Variants in UTRN observed in about 807,000 individuals in gnomAD.
The protein encoded by UTRN is dystrophin-related protein 1.
In UTRN, 283 loss-of-function variants were observed where a neutral mutation model predicts 463.9. The ratio of observed to expected loss-of-function variants is 0.61; its 90% CI spans 0.55 to 0.67. The LOEUF is 0.67. Ranked by LOEUF, UTRN falls within the 30% of genes least tolerant of loss-of-function variation. The pLI is 0.00. For synonymous variants in UTRN, 1,442 were observed against 1,431.5 expected, an observed-to-expected ratio of 1.01 and a Z score of -0.17; for missense variants, 3,922 against 4,084.3, an observed-to-expected ratio of 0.96 and a Z score of 1.08.
chr6:144,508,753 A>T (rs886906795), intron 34 of UTRN, among the ~76,000 whole-genome samples: 1 of 152,038 alleles, frequency 6.6e-6, no homozygotes, highest in Admixed American at 6.6e-5. Context: ...TCTTTCCAGT[A>T]TTTATTTTGG....
At chr6:144,421,747 T>A (rs1159837843) in intron 3 of UTRN, 131 bp from the exon 4 acceptor site, 1 of 416,074 alleles carries the variant, frequency 2.4e-6, no homozygotes, top group Admixed American at 4.6e-5. Flanking sequence ...AAGACAAATT[T>A]GGATAGTCTG....
At chr6:144,522,253 T>C in intron 40 of UTRN, 82 bp downstream of exon 40, 5 of 1,162,722 alleles carry the variant, frequency 4.3e-6, no homozygotes, top group Non-Finnish European at 5.8e-6. Context: ...CCTACTTAGA[T>C]GGTCTATATC....
At chr6:144,643,477 G>A (rs1175386337) in intron 51 of UTRN, among the ~76,000 whole-genome samples, 1 of 152,096 alleles carries the variant, frequency 6.6e-6, no homozygotes, top group African/African-American at 2.4e-5. Flanking sequence ...TATTTATTTT[G>A]TAAATAGTTT....
At chr6:144,695,500 C>T (rs1462279077) in intron 52 of UTRN, among the ~76,000 whole-genome samples, 2 of 152,112 alleles carry the variant, frequency 1.3e-5, no homozygotes, top group African/African-American at 2.4e-5. Flanking sequence ...CCCGCCATTA[C>T]GCCCAGCTAA....
Position 144,732,259 on chromosome 6 carries a change from CACACAT to C in UTRN, c.7939+1775_7939+1780del, listed in dbSNP as rs1486771933. ...ATATACATATATATATATATATATA[CACACAT>C]ATATATATATATACACACATATATA... On this transcript the variant is annotated intron_variant, in intron 54 of 74. Transcript: ENST00000367545. Among the ~76,000 whole-genome samples the C allele has an allele frequency of 8.6e-4, 81 of 94,702 alleles. 1 individual carries two copies. The highest frequency in any genetic ancestry group is 5.7e-3 in the Admixed American group (49 of 8,602). The allele number at this position is 94,702 out of a possible 152,430, so 62.1% of individuals were successfully genotyped here. A position where few individuals can be genotyped will look rare whatever the true frequency, so the allele number is the denominator to read the frequency against.
intron 2 of UTRN, among the ~76,000 whole-genome samples, chr6:144,365,125 G>C (rs879402244): frequency 6.6e-6 from 1 of 152,144 alleles, no homozygotes; most frequent in African/African-American, 2.4e-5. Context: ...GCCACATTGC[G>C]TAGCTCTTGA....
intron 2 of UTRN, among the ~76,000 whole-genome samples, chr6:144,341,700 A>G (rs1018897112): frequency 6.6e-6 from 1 of 152,192 alleles, no homozygotes; most frequent in Admixed American, 6.5e-5. Context: ...AGGAAGACAC[A>G]TAAAGACAGG....
intron 2 of UTRN, among the ~76,000 whole-genome samples, chr6:144,352,046 T>G (rs1025656912): frequency 6.6e-6 from 1 of 152,190 alleles, no homozygotes; most frequent in Non-Finnish European, 1.5e-5. Flanking sequence ...TTCTGTGCCT[T>G]TAGCTTCTCC....
chr6:144,420,929 T>C (rs1784781554), intron 3 of UTRN, among the ~76,000 whole-genome samples: 1 of 152,234 alleles, frequency 6.6e-6, no homozygotes, highest in Non-Finnish European at 1.5e-5. Flanking sequence ...TATGCCATAC[T>C]CAAGGCCTAT....
At chr6:144,510,919 A>C (rs963594068) in intron 34 of UTRN, 25 bp from the exon 35 acceptor site, 1 of 1,506,310 alleles carries the variant, frequency 6.6e-7, no homozygotes, top group Admixed American at 2.1e-5. Context: ...AGCATCAAGT[A>C]GGTCTTGGTG....
intron 3 of UTRN, among the ~76,000 whole-genome samples, chr6:144,407,594 A>G (rs919605043): frequency 2.6e-5 from 4 of 152,232 alleles, no homozygotes; most frequent in African/African-American, 9.6e-5. Context: ...ATAGGGTCTA[A>G]CTATTAAATT....
intron 36 of UTRN, among the ~76,000 whole-genome samples, 170 bp downstream of exon 36, chr6:144,514,207 G>C (rs1795413291): frequency 6.6e-6 from 1 of 152,088 alleles, no homozygotes; most frequent in African/African-American, 2.4e-5. Flanking sequence ...AATAAGAGAC[G>C]AACTTGAAAT....
intron 13 of UTRN, among the ~76,000 whole-genome samples, chr6:144,443,153 C>G (rs1339974178): frequency 1.3e-5 from 2 of 152,170 alleles, no homozygotes; most frequent in African/African-American, 4.8e-5. Context: ...TTGAACAATA[C>G]TTGGATTTTC....
chr6:144,453,703 T>A, intron 18 of UTRN, 79 bp from the exon 19 acceptor site: 1 of 1,228,108 alleles, frequency 8.1e-7, no homozygotes. Flanking sequence ...GGAGGGCCAT[T>A]CAACTTAAAC....
At chr6:144,848,471 T>C (rs6903007) in intron 74 of UTRN, among the ~76,000 whole-genome samples, 13,638 of 152,010 alleles carry the variant, frequency 0.09, 691 homozygotes, top group South Asian at 0.15. Context: ...AGCTCAGTAG[T>C]GAAAGGAATG....
intron 2 of UTRN, among the ~76,000 whole-genome samples, chr6:144,394,318 G>A (rs1050984479): frequency 6.6e-6 from 1 of 152,112 alleles, no homozygotes; most frequent in Non-Finnish European, 1.5e-5. Context: ...GCAAAGGGAC[G>A]TCTCTCATGG....
At chr6:144,451,027 C>G (rs1788233753) in intron 17 of UTRN, among the ~76,000 whole-genome samples, 1 of 152,044 alleles carries the variant, frequency 6.6e-6, no homozygotes, top group South Asian at 2.1e-4. Flanking sequence ...GCAGGAGAAT[C>G]CTTTGAATCT....
rs140404799 is a variant in UTRN at position 144,329,945 on chromosome 6, A to G, written c.79+38038A>G. Among the ~76,000 whole-genome samples the G allele has an allele frequency of 2.6e-3, 399 of 152,338 alleles. 3 individuals carry two copies. The highest frequency in any genetic ancestry group is 7.8e-3 in the African/African-American group (326 of 41,562). On this transcript the variant is annotated intron_variant, in intron 2 of 74. Transcript: ENST00000367545. ...CAAAACTGATGAGCTCTATGATGGC[A>G]TCTGGCCTCTTGAGTGTGTAGACTA...
At chr6:144,518,195 C>A (rs1232632107) in intron 39 of UTRN, among the ~76,000 whole-genome samples, 1 of 152,170 alleles carries the variant, frequency 6.6e-6, no homozygotes, top group Admixed American at 6.5e-5. Flanking sequence ...ATTCTTATGT[C>A]TGTTTTTTCT....
Sources: allele counts gnomAD v4.1 joint callset (sites outside exome capture counted in the v4.1 genomes callset), GRCh38; gene constraint gnomAD v4.1.1; transcripts MANE v1.5; gene names NCBI Gene and HGNC (gene_info 2026-07-23, HGNC 2026-07-21).